POLR1A: variants seen among roughly 807,000 people sequenced by gnomAD.
POLR1A encodes the protein DNA-directed RNA polymerase I subunit RPA1.
In POLR1A, 84 loss-of-function variants were observed where a neutral mutation model predicts 205.3. That is an observed-to-expected ratio of 0.41 (90% CI 0.34 to 0.49). The LOEUF (loss-of-function observed/expected upper bound fraction) is 0.49. Among genes scored for constraint, POLR1A ranks in the 20% least tolerant of loss-of-function variants. The pLI is 0.22. For synonymous variants in POLR1A, 799 were observed against 863.7 expected (o/e 0.93, Z 1.31); for missense variants, 1,645 against 2,204.5 (o/e 0.75, Z 5.08).
intron 13 of POLR1A, among the ~76,000 whole-genome samples, chr2:86,068,489 AC>A (rs1467478204): frequency 1.3e-5 from 2 of 151,228 alleles, no homozygotes; most frequent in African/African-American, 4.9e-5. Flanking sequence ...TGAAAATCAC[AC>A]CAACCTCATA....
rs369789841 is a variant in POLR1A, at chr2:86,065,489, A to T, written c.1867-24T>A. On this transcript the variant is annotated intron_variant, in intron 13 of 33. Transcript: ENST00000263857. The stretch of plus-strand genomic sequence containing the variant: ...TCCTATAAGCCAAAACAGACAACAC[A>T]AGAAGAATGAAAATAAATCTTAAGT... 72 of 1,593,712 alleles carry T rather than the reference A, an allele frequency of 4.5e-5. No individual in the cohort carries two copies. The African/African-American group carries it at 9.1e-4, about 20-fold the overall frequency.
chr2:86,096,441 T>C lies in POLR1A; in HGVS notation c.432+2170A>G, dbSNP rs764888156. ...AAAAAAAAAAATTGTAACATTTGTATAGAACCATAAAAGACCCTGAATGGC... is the reference window on the plus strand; with the variant it reads ...AAAAAAAAAAATTGTAACATTTGTACAGAACCATAAAAGACCCTGAATGGC... On this transcript the variant is annotated intron_variant, in intron 3 of 33. Coordinates refer to ENST00000263857, the MANE Select transcript of POLR1A (RefSeq NM_015425.6). Among the ~76,000 whole-genome samples, 5 of 152,042 alleles carry C rather than the reference T, an allele frequency of 3.3e-5. No individual in the cohort carries two copies. In the South Asian group the frequency reaches 8.3e-4, roughly 25 times the overall value.
intron 6 of POLR1A, among the ~76,000 whole-genome samples, chr2:86,087,891 A>T (rs984089437): frequency 6.6e-6 from 1 of 152,206 alleles, no homozygotes; most frequent in Non-Finnish European, 1.5e-5. Flanking sequence ...ATAAGAAATG[A>T]ACAGTTAACA....
chr2:86,098,847 T>C, intron 2 of POLR1A, 87 bp from the exon 3 acceptor site: 4 of 1,269,446 alleles, frequency 3.2e-6, no homozygotes, highest in East Asian at 2.4e-5. Context: ...AGTTTCTTTA[T>C]GTAGTCAGTC....
intron 15 of POLR1A, among the ~76,000 whole-genome samples, chr2:86,053,717 G>C (rs1045918735): frequency 6.6e-6 from 1 of 152,140 alleles, no homozygotes; most frequent in African/African-American, 2.4e-5. Context: ...AACATGCAGA[G>C]GCCTTGGAAA....
intron 3 of POLR1A, among the ~76,000 whole-genome samples, chr2:86,097,801 G>T (rs1673734203): frequency 6.6e-6 from 1 of 152,114 alleles, no homozygotes; most frequent in Non-Finnish European, 1.5e-5. Flanking sequence ...CAATTAGACA[G>T]GAGGAATAAA....
chr2:86,100,233 T>C, intron 1 of POLR1A, 61 bp from the exon 2 acceptor site: 1 of 1,272,940 alleles, frequency 7.9e-7, no homozygotes, highest in Admixed American at 1.7e-5. Flanking sequence ...GATGTTTCCT[T>C]TCCAGCACAA....
chr2:86,047,498 TC>T (rs1269812598), intron 18 of POLR1A, among the ~76,000 whole-genome samples: 1 of 152,080 alleles, frequency 6.6e-6, no homozygotes, highest in Non-Finnish European at 1.5e-5. Flanking sequence ...TCTGCCAGGA[TC>T]CCCGAGGTTT....
chr2:86,101,228 C>T (rs1673815031), intron 1 of POLR1A, among the ~76,000 whole-genome samples: 1 of 152,114 alleles, frequency 6.6e-6, no homozygotes, highest in Non-Finnish European at 1.5e-5. Context: ...AGAAACCATC[C>T]CAATCTGACA....
At chr2:86,087,242 A>T (rs1390243755) in intron 6 of POLR1A, among the ~76,000 whole-genome samples, 2 of 152,210 alleles carry the variant, frequency 1.3e-5, no homozygotes, top group Non-Finnish European at 2.9e-5. Context: ...ATAACATTTT[A>T]AAAAAATATT....
At position 86,033,646 on chromosome 2, in the gene POLR1A, C is replaced by CG; in HGVS notation, c.4161+14dup. 1 of 1,611,890 alleles carries CG rather than the reference C, an allele frequency of 6.2e-7. No homozygotes were observed. Among genetic ancestry groups the CG allele is most frequent in the Non-Finnish European group, 8.5e-7 (1 of 1,179,284 alleles). On this transcript the variant is annotated intron_variant, in intron 28 of 33. Coordinates refer to ENST00000263857, the MANE Select transcript of POLR1A (RefSeq NM_015425.6). ...GTCCCTGTGCAACTCTAGTGACCCC[C>CG]GGGGACTCACTCACCCGACTCCTCC...
intron 16 of POLR1A, among the ~76,000 whole-genome samples, chr2:86,051,162 T>C (rs919664360): frequency 1.3e-5 from 2 of 152,200 alleles, no homozygotes; most frequent in East Asian, 1.9e-4. Context: ...AGACTTGTAT[T>C]AGCTGATCCC....
chr2:86,045,177 T>C, intron 21 of POLR1A, 101 bp downstream of exon 21: 1 of 801,700 alleles, frequency 1.2e-6, no homozygotes, highest in East Asian at 2.5e-5. Context: ...AAAAGTTTTT[T>C]CATCCAAGGA....
chr2:86,078,343 T>C, intron 9 of POLR1A, 59 bp from the exon 10 acceptor site: 1 of 1,393,240 alleles, frequency 7.2e-7, no homozygotes, highest in Non-Finnish European at 9.8e-7. Flanking sequence ...AGGCCTGGCT[T>C]GATTTAATTT....
chr2:86,088,450 T>C (rs1673542621), intron 6 of POLR1A, 116 bp downstream of exon 6: 2 of 696,092 alleles, frequency 2.9e-6, no homozygotes, highest in Admixed American at 2.4e-5. Flanking sequence ...GTGCCTCTGC[T>C]GGCCCCTCCC....
At position 86,070,718 on chromosome 2, in the gene POLR1A, G is replaced by A. The variant is rs1673162864; in HGVS notation, c.1612-446C>T. On this transcript the variant is annotated intron_variant, in intron 12 of 33. Transcript: ENST00000263857. This position sits in a 1 kb window ranked among gnomAD's most constrained non-coding sequence, Gnocchi z 4.4. Reference sequence around the variant, plus strand: ...AATCCCCCCCCCGCCGTGATCACATGTGAGTACATTATTCTAAACAGAAAT... The same window carrying A: ...AATCCCCCCCCCGCCGTGATCACATATGAGTACATTATTCTAAACAGAAAT... Among the ~76,000 whole-genome samples, 2 of 150,662 alleles carry A rather than the reference G, an allele frequency of 1.3e-5. 1 individual carries two copies.
rs77578658 is a variant in POLR1A at position 86,030,544 on chromosome 2, T to C, written c.4579-148A>G. ...GGCAAGCCAGCAGGTAGTCTGAACA[T>C]TGGAGATGGCTGAACTGTGTACAGG... On this transcript the variant is annotated intron_variant, in intron 30 of 33. Transcript: ENST00000263857. 7.0e-3 allele frequency: 4,399 copies of C among 630,522 alleles called. 154 individuals are homozygous for C. In the African/African-American group the frequency reaches 0.071, roughly 10 times the overall value. 39.1% of individuals were successfully genotyped at this position (630,522 alleles called of 1,614,324 possible).
intron 6 of POLR1A, among the ~76,000 whole-genome samples, chr2:86,084,683 T>TC (rs1156814238): frequency 6.7e-6 from 1 of 150,336 alleles, no homozygotes; most frequent in Non-Finnish European, 1.5e-5. Context: ...TTTTTTTTTT[T>TC]TCAAGACGGA....
chr2:86,078,059 A>T, intron 10 of POLR1A, 55 bp downstream of exon 10: 1 of 1,612,364 alleles, frequency 6.2e-7, no homozygotes, highest in Non-Finnish European at 8.5e-7. Flanking sequence ...TTCAATACAC[A>T]ATGTTTATTA....
Sources: allele counts gnomAD v4.1 joint callset (sites outside exome capture counted in the v4.1 genomes callset), GRCh38; gene constraint gnomAD v4.1.1; non-coding constraint Gnocchi (gnomAD v3.1); transcripts MANE v1.5; gene names NCBI Gene and HGNC (gene_info 2026-07-23, HGNC 2026-07-21).